The following HNRNPC variants were observed in gnomAD, a reference collection of about 807,000 sequenced individuals.
The protein encoded by HNRNPC is heterogeneous nuclear ribonucleoprotein C.
HNRNPC carries 3 observed loss-of-function variants against 33.2 expected under a neutral mutation model. That is an observed-to-expected ratio of 0.09 (90% CI 0.04 to 0.23). HNRNPC has a LOEUF of 0.23. Ranked by LOEUF, HNRNPC falls within the 10% of genes least tolerant of loss-of-function variation. The pLI is 1.00. For missense variants in HNRNPC, 143 were observed against 366.7 expected (o/e 0.39, Z 4.98); for synonymous variants, 121 against 126.7 (o/e 0.96, Z 0.30).
At position 21,210,740 on chromosome 14, in the gene HNRNPC, A is replaced by C. The variant is rs1891508502; in HGVS notation, c.*483T>G. On this transcript the variant is annotated 3_prime_UTR_variant, in exon 9 of 9. Transcript: ENST00000553300. ...CTCTCATTCACAAAAATACATTGTT[A>C]CATTTGTGTTGAACTGCCCCACACA... is the stretch of plus-strand genomic sequence containing the variant. The C allele has an allele frequency of 6.5e-6, 1 of 154,340 alleles. No homozygotes were observed. Among genetic ancestry groups the C allele is most frequent in the African/African-American group, 2.4e-5 (1 of 41,484 alleles). 9.6% of individuals were successfully genotyped at this position (154,340 alleles called of 1,614,324 possible). A position where few individuals can be genotyped will look rare whatever the true frequency, so the allele number is the denominator to read the frequency against.
At chr14:21,250,697 T>A (rs554814911) in intron 2 of HNRNPC, among the ~76,000 whole-genome samples, 2 of 152,214 alleles carry the variant, frequency 1.3e-5, no homozygotes, top group Non-Finnish European at 2.9e-5. Context: ...TTATTTCCAA[T>A]GTAAAGTAAA....
intron 1 of HNRNPC, among the ~76,000 whole-genome samples, chr14:21,267,741 G>C (rs1306903667): frequency 6.6e-6 from 1 of 152,110 alleles, no homozygotes; most frequent in Non-Finnish European, 1.5e-5. Flanking sequence ...TGACCGGAAG[G>C]AACCCATTTT....
At chr14:21,223,084 T>C (rs930845737) in intron 5 of HNRNPC, among the ~76,000 whole-genome samples, 1 of 151,962 alleles carries the variant, frequency 6.6e-6, no homozygotes. Context: ...TGCATGCCTG[T>C]AATCCCAGCT....
At chr14:21,235,515 C>T (rs1894603894) in intron 2 of HNRNPC, among the ~76,000 whole-genome samples, 1 of 152,166 alleles carries the variant, frequency 6.6e-6, no homozygotes, top group Non-Finnish European at 1.5e-5. Flanking sequence ...TCACTTCCTT[C>T]CAAATCTTTC....
At chr14:21,235,924 T>C (rs1010866556) in intron 2 of HNRNPC, among the ~76,000 whole-genome samples, 1 of 152,074 alleles carries the variant, frequency 6.6e-6, no homozygotes, top group African/African-American at 2.4e-5. Flanking sequence ...AAAAAACCCA[T>C]CAAACCACAG....
chr14:21,241,262 A>T (rs946798911), intron 2 of HNRNPC, among the ~76,000 whole-genome samples: 19 of 148,954 alleles, frequency 1.3e-4, no homozygotes, highest in Non-Finnish European at 2.4e-4. Flanking sequence ...TGTCTCAAAA[A>T]AAAAAAAAAA....
At chr14:21,256,540 A>G (rs369864707) in intron 2 of HNRNPC, among the ~76,000 whole-genome samples, 5 of 152,302 alleles carry the variant, frequency 3.3e-5, no homozygotes, top group African/African-American at 1.2e-4. Context: ...GGGACAAAAG[A>G]AATACAAACC....
At chr14:21,220,179 C>T (rs1294673372) in intron 5 of HNRNPC, among the ~76,000 whole-genome samples, 1 of 151,948 alleles carries the variant, frequency 6.6e-6, no homozygotes, top group African/African-American at 2.4e-5. Context: ...GACATTATGC[C>T]TTATGCGTCA....
chr14:21,267,095 CAAAAAAAAAAAAAAAA>C (rs56203257), intron 1 of HNRNPC, among the ~76,000 whole-genome samples: 4 of 104,116 alleles, frequency 3.8e-5, no homozygotes, highest in South Asian at 3.3e-4. Flanking sequence ...GACTCCGTCT[CAAAAAAAAAAAAAAAA>C]AAAAAAAAAA....
chr14:21,250,516 A>G (rs918516481), intron 2 of HNRNPC, among the ~76,000 whole-genome samples: 1 of 152,222 alleles, frequency 6.6e-6, no homozygotes, highest in East Asian at 1.9e-4. Flanking sequence ...AAGAATGGTT[A>G]TATCACGCCA....
At chr14:21,220,815 T>G (rs965978717) in intron 5 of HNRNPC, among the ~76,000 whole-genome samples, 12 of 145,852 alleles carry the variant, frequency 8.2e-5, no homozygotes, top group Admixed American at 1.4e-4. Flanking sequence ...TTCTATCTGT[T>G]TTCAAGGTAT....
intron 3 of HNRNPC, among the ~76,000 whole-genome samples, chr14:21,233,658 T>C (rs1362762666): frequency 6.6e-6 from 1 of 152,276 alleles, no homozygotes; most frequent in Admixed American, 6.5e-5. Context: ...CAGTCTGCTG[T>C]GGGCAGGACA....
intron 2 of HNRNPC, among the ~76,000 whole-genome samples, chr14:21,242,254 G>A (rs149297991): frequency 2.6e-5 from 4 of 152,322 alleles, no homozygotes; most frequent in Non-Finnish European, 4.4e-5. Flanking sequence ...GGAGGCCAAG[G>A]CAGGAAGATC....
chr14:21,245,713 C>T (rs1895909570), intron 2 of HNRNPC, among the ~76,000 whole-genome samples: 1 of 152,070 alleles, frequency 6.6e-6, no homozygotes, highest in African/African-American at 2.4e-5. Flanking sequence ...CTTTAATATA[C>T]TAACCTTATT....
chr14:21,251,672 C>T (rs1411824879), intron 2 of HNRNPC, among the ~76,000 whole-genome samples: 4 of 151,406 alleles, frequency 2.6e-5, no homozygotes, highest in East Asian at 3.9e-4. Flanking sequence ...ACAGAGACTC[C>T]GTCTCAAAAA....
At chr14:21,253,508 C>T (rs1896895475) in intron 2 of HNRNPC, among the ~76,000 whole-genome samples, 1 of 148,236 alleles carries the variant, frequency 6.7e-6, no homozygotes. Context: ...GATGTGCATG[C>T]ACCTGAAAAC....
intron 5 of HNRNPC, among the ~76,000 whole-genome samples, chr14:21,221,959 G>A (rs1892870229): frequency 7.2e-6 from 1 of 139,560 alleles, no homozygotes; most frequent in African/African-American, 2.7e-5. Flanking sequence ...TGAGGCAGGA[G>A]AATGGTGTGA....
At chr14:21,220,771 G>A (rs1447927640) in intron 5 of HNRNPC, among the ~76,000 whole-genome samples, 2 of 151,516 alleles carry the variant, frequency 1.3e-5, no homozygotes, top group Non-Finnish European at 2.9e-5. Context: ...AATGAAAATC[G>A]AATAAAAGTT....
chr14:21,217,970 C>T (rs1426919030), intron 5 of HNRNPC, among the ~76,000 whole-genome samples: 5 of 152,024 alleles, frequency 3.3e-5, no homozygotes, highest in Non-Finnish European at 1.5e-5. Context: ...CTGTAACAGG[C>T]AGGTTGCTTG....
Sources: gnomAD v4.1 joint callset for allele counts (sites outside exome capture counted in the v4.1 genomes callset) on GRCh38, gnomAD v4.1.1 for gene constraint, MANE v1.5 for transcripts, NCBI Gene and HGNC (gene_info 2026-07-23, HGNC 2026-07-21) for gene names.